CNTNAP1: variants seen among roughly 807,000 people sequenced by gnomAD.
The protein encoded by CNTNAP1 is contactin associated protein 1.
Under a neutral mutation model 161.5 loss-of-function variants are expected in CNTNAP1, and 80 were observed. That is an observed-to-expected ratio of 0.50 (90% CI 0.41 to 0.60). The LOEUF is 0.60. Among genes scored for constraint, CNTNAP1 ranks in the 20% least tolerant of loss-of-function variants. The pLI is 0.00. For missense variants in CNTNAP1, 1,464 were observed against 1,854.8 expected, an observed-to-expected ratio of 0.79 and a Z score of 3.87; for synonymous variants, 695 against 733.1, an observed-to-expected ratio of 0.95 and a Z score of 0.84.
At chr17:42,698,058 T>C in intron 23 of CNTNAP1, 108 bp downstream of exon 23, 1 of 1,220,118 alleles carries the variant, frequency 8.2e-7, no homozygotes, top group Non-Finnish European at 1.2e-6. Context: ...AGGCACTAGA[T>C]GCACAATGGC....
rs1371493309 is a variant in CNTNAP1, at chr17:42,699,715, A to G, written c.*805A>G. The G allele has an allele frequency of 6.6e-6, 1 of 152,670 alleles. No homozygotes were observed. The highest frequency in any genetic ancestry group is 2.4e-5 in the African/African-American group (1 of 41,438). 9.5% of individuals were successfully genotyped at this position (152,670 alleles called of 1,614,324 possible). On this transcript the variant is annotated 3_prime_UTR_variant, in exon 24 of 24. Transcript: ENST00000264638. ...ATTTACCCAGGAGGTCATATTCTTT[A>G]TATATATTTTTTGTTGCAAAGTGTC...
chr17:42,686,041 G>C lies in CNTNAP1; in HGVS notation c.800G>C (p.Arg267Pro). Reference sequence around the variant, plus strand: ...AATGACCAGCACTGGCACTATGTGCGGGTGGACCGATTTGGCCGCGATGTA... The same window carrying C: ...AATGACCAGCACTGGCACTATGTGCCGGTGGACCGATTTGGCCGCGATGTA... ...VLNDQHWHYV[R>P]VDRFGRDVNF... Residue 267 changes from arginine to proline, a missense_variant, in exon 6 of 24, where the codon CGG becomes CCG. Arg to Pro is a moderately radical substitution (Grantham distance 103). Coordinates refer to ENST00000264638, the MANE Select transcript of CNTNAP1 (RefSeq NM_003632.3). The C allele has an allele frequency of 6.2e-7, 1 of 1,614,126 alleles. No homozygotes were observed. Among genetic ancestry groups the C allele is most frequent in the Non-Finnish European group, 8.5e-7 (1 of 1,180,026 alleles).
Position 42,691,691 on chromosome 17 carries a change from C to A in CNTNAP1, c.2345-115C>A, listed in dbSNP as rs997169602. 3 of 1,346,098 alleles carry A rather than the reference C, an allele frequency of 2.2e-6. No individual in the cohort carries two copies. The highest frequency in any genetic ancestry group is 3.1e-6 in the Non-Finnish European group (3 of 957,160). The allele number at this position is 1,346,098 out of a possible 1,614,324, so 83.4% of individuals were successfully genotyped here. A position where few individuals can be genotyped will look rare whatever the true frequency, so the allele number is the denominator to read the frequency against. On this transcript the variant is annotated intron_variant, in intron 15 of 23. Coordinates refer to ENST00000264638, the MANE Select transcript of CNTNAP1 (RefSeq NM_003632.3). The surrounding 1 kb of genome is among the most constrained non-coding windows in gnomAD (Gnocchi z 4.3). ...TTCATTCCACTCCTTAGTCTCCCCT[C>A]CGTCACCTCAAACCCTCCCCCTTTG...
intron 17 of CNTNAP1, 42 bp from the exon 18 acceptor site, chr17:42,693,255 G>C: frequency 6.2e-7 from 1 of 1,609,436 alleles, no homozygotes; most frequent in South Asian, 1.1e-5. Context: ...CACCGCGCCT[G>C]GCCCTGCCTC....
In CNTNAP1 at chr17:42,685,333, G is replaced by A. The variant is rs746309332; in HGVS notation, c.628G>A (p.Gly210Ser). 3.7e-6 allele frequency: 6 copies of A among 1,611,764 alleles called. No homozygotes were observed. The highest frequency in any genetic ancestry group is 5.1e-6 in the Non-Finnish European group (6 of 1,180,022). The part of the protein sequence containing the change: ...AFSFKTEEKD[G>S]LLLHAEGAQG... ...CAGCTTCAAGACCGAGGAGAAGGACGGTCTTCTGCTGCACGCCGAGGGCGC... is the reference window on the plus strand; with the variant it reads ...CAGCTTCAAGACCGAGGAGAAGGACAGTCTTCTGCTGCACGCCGAGGGCGC... Residue 210 changes from glycine to serine, a missense_variant, in exon 5 of 24, where the codon GGT (glycine) becomes AGT (serine). Physicochemically the swap from Gly to Ser is moderately conservative, Grantham distance 56. This residue lies in a region of CNTNAP1 where 1,383 missense variants were observed against 1,765.0 expected (regional missense o/e 0.78). Transcript: ENST00000264638. The surrounding 1 kb of genome is among the most constrained non-coding windows in gnomAD (Gnocchi z 5.0).
At position 42,685,865 on chromosome 17, in the gene CNTNAP1, G is replaced by A; in HGVS notation, c.716-92G>A. ...TCGCCCACTCTCCCTGATTGCCCTG[G>A]GCTTTGTTACACGCTGCTGCTCTGC... On this transcript the variant is annotated intron_variant, in intron 5 of 23. Transcript: ENST00000264638. The surrounding 1 kb of genome is among the most constrained non-coding windows in gnomAD (Gnocchi z 5.0). 1 of 1,374,558 alleles carries A rather than the reference G, an allele frequency of 7.3e-7. No individual in the cohort carries two copies. Among genetic ancestry groups the A allele is most frequent in the Non-Finnish European group, 1.0e-6 (1 of 993,886 alleles). The allele number at this position is 1,374,558 out of a possible 1,614,324, so 85.1% of individuals were successfully genotyped here.
At position 42,687,754 on chromosome 17, in the gene CNTNAP1, C is replaced by T. The variant is rs748674756; in HGVS notation, c.1079C>T (p.Pro360Leu). Residue 360 changes from proline to leucine, a missense_variant, in exon 8 of 24, where the codon CCG becomes CTG. By Grantham distance (98) the Pro-to-Leu change is moderately conservative. Coordinates refer to ENST00000264638, the MANE Select transcript of CNTNAP1 (RefSeq NM_003632.3). This position sits in a 1 kb window ranked among gnomAD's most constrained non-coding sequence, Gnocchi z 4.7. ...KVAFRCLDPV[P>L]HPINFGGPHN... ...GCTTTTCGTTGCCTGGACCCGGTAC[C>T]GCACCCTATCAACTTCGGAGGCCCT... 4.3e-6 allele frequency: 7 copies of T among 1,614,214 alleles called. No individual in the cohort carries two copies. The African/African-American group carries it at 9.3e-5, about 22-fold the overall frequency.
At position 42,682,579 on chromosome 17, in the gene CNTNAP1, G is replaced by T. The variant is rs2052948348; in HGVS notation, c.-251G>T. The T allele has an allele frequency of 7.4e-6, 4 of 538,478 alleles. No individual in the cohort carries two copies. The East Asian group carries it at 1.4e-4, about 18-fold the overall frequency. The allele number at this position is 538,478 out of a possible 1,614,324, so 33.4% of individuals were successfully genotyped here. A position where few individuals can be genotyped will look rare whatever the true frequency, so the allele number is the denominator to read the frequency against. On this transcript the variant is annotated 5_prime_UTR_variant, in exon 1 of 24. Transcript: ENST00000264638. ...AGAGGCTGGGGAAGGGGGGAGGTGAGAGGAAAGAGGGTGGAAAGGAGAGGA... is the reference window on the plus strand; with the variant it reads ...AGAGGCTGGGGAAGGGGGGAGGTGATAGGAAAGAGGGTGGAAAGGAGAGGA...
intron 1 of CNTNAP1, chr17:42,683,346 T>C (rs2052962262): frequency 1.8e-6 from 2 of 1,082,252 alleles, no homozygotes; most frequent in South Asian, 5.6e-5. Context: ...CTGGTGCCCC[T>C]GACTGATGCT....
At chr17:42,689,106 A>G in intron 10 of CNTNAP1, 59 bp downstream of exon 10, 1 of 1,477,188 alleles carries the variant, frequency 6.8e-7, no homozygotes, top group African/African-American at 1.4e-5. Context: ...CTGGTCTCCC[A>G]GTAGGAATGG....
intron 1 of CNTNAP1, chr17:42,683,495 CTT>C: frequency 8.5e-7 from 1 of 1,171,900 alleles, no homozygotes; most frequent in Non-Finnish European, 1.1e-6. Context: ...CTTGGGTTGA[CTT>C]AGGTTGTGGA....
chr17:42,697,136 G>A (rs979618619), intron 20 of CNTNAP1, 138 bp from the exon 21 acceptor site: 1 of 692,866 alleles, frequency 1.4e-6, no homozygotes, highest in South Asian at 1.7e-5. Flanking sequence ...GGCACCGCCA[G>A]TTTGGACAGA....
At chr17:42,683,726 G>A in intron 1 of CNTNAP1, 95 bp from the exon 2 acceptor site, 1 of 1,460,428 alleles carries the variant, frequency 6.8e-7, no homozygotes, top group Non-Finnish European at 9.2e-7. Flanking sequence ...GGGGTTGGGG[G>A]CACGGAAGGG....
chr17:42,689,703 T>A, intron 11 of CNTNAP1, 76 bp downstream of exon 11: 1 of 1,235,068 alleles, frequency 8.1e-7, no homozygotes. Context: ...ATCAGGCTGC[T>A]AGAGATGGCG....
chr17:42,684,074 C>T lies in CNTNAP1; in HGVS notation c.208C>T (p.Pro70Ser). 1 of 1,614,198 alleles carries T rather than the reference C, an allele frequency of 6.2e-7. No homozygotes were observed. Among genetic ancestry groups the T allele is most frequent in the Non-Finnish European group, 8.5e-7 (1 of 1,180,022 alleles). ...GWSPRIGDPN[P>S]WLQIDLMKKH... ...GTCACCACGGATTGGGGATCCGAAT[C>T]CCTGGCTCCAGATAGACTTAATGAA... Residue 70 changes from proline to serine, a missense_variant, in exon 3 of 24, where the codon CCC becomes TCC. By Grantham distance (74) the Pro-to-Ser change is moderately conservative. Transcript: ENST00000264638.
At position 42,688,480 on chromosome 17, in the gene CNTNAP1, G is replaced by A; in HGVS notation, c.1325G>A (p.Gly442Asp). 2 of 1,614,212 alleles carry A rather than the reference G, an allele frequency of 1.2e-6. No individual in the cohort carries two copies. Among genetic ancestry groups the A allele is most frequent in the Non-Finnish European group, 1.7e-6 (2 of 1,180,044 alleles). Residue 442 changes from glycine (G) to aspartate (D), a missense_variant, in exon 9 of 24, where the codon GGC becomes GAC. Gly to Asp is a moderately conservative substitution (Grantham distance 94, BLOSUM62 -1). Coordinates refer to ENST00000264638, the MANE Select transcript of CNTNAP1 (RefSeq NM_003632.3). ...TGTCCAGGGTACCGACTGAATGACG[G>A]CTTTTGGCACGAGGTGAATTTTGTG... Reference protein sequence around the residue: ...QFAAGYRLNDGFWHEVNFVAQ... With the variant: ...QFAAGYRLNDDFWHEVNFVAQ...
Position 42,687,420 on chromosome 17 carries a change from G to A in CNTNAP1, c.1045-300G>A. On this transcript the variant is annotated intron_variant, in intron 7 of 23. Transcript: ENST00000264638. This position sits in a 1 kb window ranked among gnomAD's most constrained non-coding sequence, Gnocchi z 4.7. ...CTGGAGCTCTGTTGGGAAGCTGGCAGGAGCCAGGTCTGTGGTCCAAAATTG... is the reference window on the plus strand; with the variant it reads ...CTGGAGCTCTGTTGGGAAGCTGGCAAGAGCCAGGTCTGTGGTCCAAAATTG... The A allele has an allele frequency of 1.9e-6, 1 of 524,668 alleles. No homozygotes were observed. Among genetic ancestry groups the A allele is most frequent in the South Asian group, 2.5e-5 (1 of 40,612 alleles). The allele number at this position is 524,668 out of a possible 1,614,324, so 32.5% of individuals were successfully genotyped here.
rs572486716 is a variant in CNTNAP1 at position 42,699,040 on chromosome 17, C to T, written c.*130C>T. 78 of 737,822 alleles carry T rather than the reference C, an allele frequency of 1.1e-4. No homozygotes were observed. In the South Asian group the frequency reaches 1.9e-3, roughly 18 times the overall value. The allele number at this position is 737,822 out of a possible 1,614,324, so 45.7% of individuals were successfully genotyped here. On this transcript the variant is annotated 3_prime_UTR_variant, in exon 24 of 24. Coordinates refer to ENST00000264638, the MANE Select transcript of CNTNAP1 (RefSeq NM_003632.3). Reference sequence around the variant, plus strand: ...ATCCAGAGGATATTCCCCCATCCCCCCCCCATCAAGTTTGGTGGGCAGAGC... The same window carrying T: ...ATCCAGAGGATATTCCCCCATCCCCTCCCCATCAAGTTTGGTGGGCAGAGC...
chr17:42,688,416 T>C, intron 8 of CNTNAP1, 46 bp from the exon 9 acceptor site: 2 of 1,613,526 alleles, frequency 1.2e-6, no homozygotes, highest in Non-Finnish European at 8.5e-7. Flanking sequence ...TCTTCTACCC[T>C]AGTTGCTGCT....
Sources: gnomAD v4.1 joint callset for allele counts on GRCh38, gnomAD v4.1.1 for gene constraint, gnomAD v4.1.1 regional missense constraint, Gnocchi (gnomAD v3.1) non-coding constraint, MANE v1.5 for transcripts, NCBI Gene and HGNC (gene_info 2026-07-23, HGNC 2026-07-21) for gene names.